The following NMBR variants were observed in gnomAD, a reference collection of about 807,000 sequenced individuals.
NMBR encodes the protein neuromedin-B receptor.
NMBR carries 16 observed loss-of-function variants against 20.5 expected under a neutral mutation model. That is an observed-to-expected ratio of 0.78 (90% CI 0.53 to 1.19). The LOEUF (loss-of-function observed/expected upper bound fraction) is 1.19. Ranked by LOEUF, NMBR falls within the 50% of genes most tolerant of loss-of-function variation. NMBR has a pLI of 0.00. For missense variants in NMBR, 582 were observed against 499.1 expected (o/e 1.17, Z -1.58); for synonymous variants, 212 against 196.6 (o/e 1.08, Z -0.65).
At chr6:142,139,471 A>G (rs1778327115) in intron 1 of NMBR, among the ~76,000 whole-genome samples, 1 of 152,176 alleles carries the variant, frequency 6.6e-6, no homozygotes, top group Non-Finnish European at 1.5e-5. Flanking sequence ...TGCCATCAGG[A>G]CTCACTTAAA....
At chr6:142,087,542 G>A (rs1235318874) in intron 2 of NMBR, among the ~76,000 whole-genome samples, 1 of 152,054 alleles carries the variant, frequency 6.6e-6, no homozygotes, top group Non-Finnish European at 1.5e-5. Flanking sequence ...TAGTTGATGT[G>A]CAAAATAGAA....
intron 1 of NMBR, among the ~76,000 whole-genome samples, chr6:142,119,662 G>A (rs997471789): frequency 7.2e-5 from 11 of 151,920 alleles, no homozygotes; most frequent in African/African-American, 1.7e-4. Flanking sequence ...TAATCTTAAC[G>A]GGAACCCTAT....
At chr6:142,085,771 G>A (rs1029513123) in intron 2 of NMBR, among the ~76,000 whole-genome samples, 18 of 152,110 alleles carry the variant, frequency 1.2e-4, no homozygotes, top group African/African-American at 4.3e-4. Context: ...GATCTCTATA[G>A]GCAAAGAGAT....
chr6:142,136,072 C>A (rs1778249314), intron 1 of NMBR, among the ~76,000 whole-genome samples: 2 of 152,220 alleles, frequency 1.3e-5, no homozygotes, highest in African/African-American at 4.8e-5. Flanking sequence ...AATCGCCACA[C>A]TGACTTCCAC....
chr6:142,094,486 C>T (rs1042805987), intron 1 of NMBR, among the ~76,000 whole-genome samples: 2 of 152,110 alleles, frequency 1.3e-5, no homozygotes, highest in Non-Finnish European at 2.9e-5. Context: ...TTTCTGAAGG[C>T]TCTGTACTGT....
intron 1 of NMBR, among the ~76,000 whole-genome samples, chr6:142,146,134 G>A (rs1778428492): frequency 6.6e-6 from 1 of 152,190 alleles, no homozygotes; most frequent in South Asian, 2.1e-4. Flanking sequence ...ACAGAACTGA[G>A]TTTCAGGCTG....
intron 2 of NMBR, among the ~76,000 whole-genome samples, chr6:142,084,850 A>T (rs1344973467): frequency 2.0e-5 from 3 of 152,158 alleles, no homozygotes; most frequent in Non-Finnish European, 4.4e-5. Context: ...CACCAACCTG[A>T]TGTCACAGCA....
chr6:142,147,012 A>G, intron 1 of NMBR, 32 bp downstream of exon 1: 1 of 427,482 alleles, frequency 2.3e-6, no homozygotes, highest in South Asian at 4.7e-5. Context: ...CCAAACAAAA[A>G]AGCAAAACAA....
chr6:142,134,946 C>T, intron 1 of NMBR: 1 of 515,162 alleles, frequency 1.9e-6, no homozygotes, highest in South Asian at 3.2e-5. Flanking sequence ...TATTGTCATG[C>T]TGCAGTTATT....
intron 1 of NMBR, among the ~76,000 whole-genome samples, chr6:142,124,350 A>G (rs1777997114): frequency 6.6e-6 from 1 of 151,940 alleles, no homozygotes; most frequent in Admixed American, 6.6e-5. Flanking sequence ...TCTAGTCTCC[A>G]TAATAAGAGT....
intron 1 of NMBR, among the ~76,000 whole-genome samples, chr6:142,116,739 T>C (rs964201999): frequency 1.6e-4 from 25 of 152,022 alleles, no homozygotes; most frequent in African/African-American, 5.6e-4. Context: ...CTATTCATGT[T>C]TCCGTTAAAA....
At chr6:142,089,905 G>A (rs1777290135) in intron 1 of NMBR, among the ~76,000 whole-genome samples, 1 of 152,150 alleles carries the variant, frequency 6.6e-6, no homozygotes, top group Non-Finnish European at 1.5e-5. Flanking sequence ...CCAGGTCATA[G>A]TACTTGAGTA....
chr6:142,095,849 A>G (rs1777439099), intron 1 of NMBR, among the ~76,000 whole-genome samples: 1 of 152,154 alleles, frequency 6.6e-6, no homozygotes, highest in South Asian at 2.1e-4. Flanking sequence ...TGGTCTATTC[A>G]GAGATCCAAC....
chr6:142,079,143 A>AAGAAAGAAAGAAAG (rs1172053613), intron 2 of NMBR, among the ~76,000 whole-genome samples: 2 of 109,472 alleles, frequency 1.8e-5, no homozygotes, highest in African/African-American at 8.0e-5. Flanking sequence ...GAAAGAAAGA[A>AAGAAAGAAAGAAAG]AAAGAAGAGA....
At chr6:142,135,528 G>C (rs1778236832) in intron 1 of NMBR, among the ~76,000 whole-genome samples, 2 of 151,376 alleles carry the variant, frequency 1.3e-5, no homozygotes, top group Middle Eastern at 3.4e-3. Flanking sequence ...AAGTTTTAGG[G>C]TACATGTGCA....
In NMBR at chr6:142,075,502, A is replaced by C. The variant is rs927895331; in HGVS notation, c.*146T>G. The C allele has an allele frequency of 3.0e-6, 2 of 671,552 alleles. No individual in the cohort carries two copies. Among genetic ancestry groups the C allele is most frequent in the Non-Finnish European group, 2.5e-6 (1 of 403,294 alleles). 41.6% of individuals were successfully genotyped at this position (671,552 alleles called of 1,614,324 possible). On this transcript the variant is annotated 3_prime_UTR_variant, in exon 4 of 4. Transcript: ENST00000258042. ...AATGAAAAGAGAAAAAATAAAGTCT[A>C]GTGTAGAGAAAAAATGTCTTGCATT...
intron 1 of NMBR, among the ~76,000 whole-genome samples, chr6:142,131,884 C>T (rs1452546144): frequency 6.6e-6 from 1 of 152,200 alleles, no homozygotes; most frequent in East Asian, 1.9e-4. Flanking sequence ...GCATTCACTA[C>T]TGTACAATGG....
At chr6:142,146,308 C>T (rs1218046382) in intron 1 of NMBR, among the ~76,000 whole-genome samples, 1 of 152,084 alleles carries the variant, frequency 6.6e-6, no homozygotes, top group Admixed American at 6.5e-5. Flanking sequence ...GAGATTTTGG[C>T]TCTTGGGGAT....
intron 2 of NMBR, among the ~76,000 whole-genome samples, chr6:142,081,522 A>G (rs1448396540): frequency 1.3e-5 from 2 of 152,196 alleles, no homozygotes; most frequent in African/African-American, 4.8e-5. Flanking sequence ...AATGATACAC[A>G]TTTGAATAAA....
Sources: gnomAD v4.1 joint callset for allele counts (sites outside exome capture counted in the v4.1 genomes callset) on GRCh38, gnomAD v4.1.1 for gene constraint, MANE v1.5 for transcripts, NCBI Gene and HGNC (gene_info 2026-07-23, HGNC 2026-07-21) for gene names.